The following DNM1L variants were observed in gnomAD, a reference collection of about 807,000 sequenced individuals.
DNM1L encodes dynamin 1L, also known as dynamin-1-like protein.
In DNM1L, 33 loss-of-function variants were observed where a neutral mutation model predicts 92.8. That is an observed-to-expected ratio of 0.36 (90% CI 0.27 to 0.48). DNM1L has a LOEUF of 0.48. Ranked by LOEUF, DNM1L falls within the 20% of genes least tolerant of loss-of-function variation. The probability of loss-of-function intolerance (pLI) is 0.99; values close to 1 mark genes in which losing one functional copy is unlikely to be tolerated. For synonymous variants in DNM1L, 284 were observed against 305.0 expected (o/e 0.93, Z 0.72); for missense variants, 485 against 888.8 (o/e 0.55, Z 5.78).
Position 32,701,553 on chromosome 12 carries a change from G to T in DNM1L, c.241G>T (p.Glu81Ter). The T allele has an allele frequency of 6.2e-7, 1 of 1,613,376 alleles. No homozygotes were observed. Among genetic ancestry groups the T allele is most frequent in the Non-Finnish European group, 8.5e-7 (1 of 1,179,454 alleles). ...SQEDKRKTTG[E>*]ENGVEAEEWG... ...AGAAGATAAACGGAAAACAACAGGAGAAGAAAATGGTAAATTTCAGATTTG... is the reference window on the plus strand; with the variant it reads ...AGAAGATAAACGGAAAACAACAGGATAAGAAAATGGTAAATTTCAGATTTG... Residue 81 changes from glutamate to a stop codon, truncating the protein, a stop_gained, in exon 2 of 20, where the codon GAA becomes TAA. Transcript: ENST00000549701. LOFTEE classifies it high-confidence loss of function.
chr12:32,701,071 T>G (rs1213962855), intron 1 of DNM1L, among the ~76,000 whole-genome samples: 1 of 152,128 alleles, frequency 6.6e-6, no homozygotes, highest in African/African-American at 2.4e-5. Context: ...GGTCGGGAGT[T>G]CGAGACCAGC....
chr12:32,736,999 A>C, intron 13 of DNM1L, 106 bp from the exon 14 acceptor site: 3 of 1,011,840 alleles, frequency 3.0e-6, no homozygotes, highest in Admixed American at 1.9e-5. Flanking sequence ...CAGTGAGAGG[A>C]TGTATCTGTA....
At chr12:32,696,207 G>A (rs747731930) in intron 1 of DNM1L, among the ~76,000 whole-genome samples, 38 of 152,082 alleles carry the variant, frequency 2.5e-4, no homozygotes, top group Non-Finnish European at 4.3e-4. Context: ...CAGACATACA[G>A]GCAGAAGTCA....
At chr12:32,686,937 CTTTTTTTT>C (rs71447614) in intron 1 of DNM1L, among the ~76,000 whole-genome samples, 4 of 95,606 alleles carry the variant, frequency 4.2e-5, no homozygotes, top group African/African-American at 8.5e-5. Context: ...TCTTTTTTTT[CTTTTTTTT>C]TTTTTTTTTT....
intron 1 of DNM1L, among the ~76,000 whole-genome samples, chr12:32,685,065 G>A (rs1161111026): frequency 6.6e-6 from 1 of 151,070 alleles, no homozygotes; most frequent in Admixed American, 6.6e-5. Flanking sequence ...TCAGCCTCCC[G>A]AGTAGCTGGG....
intron 1 of DNM1L, among the ~76,000 whole-genome samples, chr12:32,689,067 G>A (rs1199339087): frequency 1.3e-5 from 2 of 151,856 alleles, no homozygotes; most frequent in Non-Finnish European, 2.9e-5. Context: ...AGTGAGACCT[G>A]GTCTCTTAAG....
intron 1 of DNM1L, among the ~76,000 whole-genome samples, chr12:32,697,065 C>G (rs1952499075): frequency 6.6e-6 from 1 of 151,200 alleles, no homozygotes; most frequent in South Asian, 2.1e-4. Flanking sequence ...CCCGTCTCTA[C>G]TAAAAATACA....
At chr12:32,724,023 A>G (rs1387796741) in intron 9 of DNM1L, among the ~76,000 whole-genome samples, 3 of 151,626 alleles carry the variant, frequency 2.0e-5, no homozygotes, top group South Asian at 4.1e-4. Context: ...ACCTTCCTCT[A>G]ATGACAATCC....
intron 1 of DNM1L, among the ~76,000 whole-genome samples, chr12:32,697,912 A>C (rs77033050): frequency 0.02 from 3,083 of 152,298 alleles, 101 homozygotes; most frequent in African/African-American, 0.071. Flanking sequence ...AAATATTAGA[A>C]ATAAGAAAAA....
intron 1 of DNM1L, among the ~76,000 whole-genome samples, chr12:32,695,218 C>A (rs1046376446): frequency 1.3e-5 from 2 of 152,110 alleles, no homozygotes; most frequent in African/African-American, 2.4e-5. Flanking sequence ...GGCAGAGTAG[C>A]TATTCAGAGC....
chr12:32,699,376 T>G (rs1952605904), intron 1 of DNM1L, among the ~76,000 whole-genome samples: 1 of 152,156 alleles, frequency 6.6e-6, no homozygotes, highest in Non-Finnish European at 1.5e-5. Context: ...AGAACTTTAT[T>G]ATAAACTAAT....
At chr12:32,679,943 G>A (rs1453685366) in intron 1 of DNM1L, 1 of 985,582 alleles carries the variant, frequency 1.0e-6, no homozygotes, top group African/African-American at 1.7e-5. Context: ...CAGGGACTGC[G>A]GAGTTAGTTT....
In DNM1L at chr12:32,720,756, A is replaced by G. The variant is rs191913233; in HGVS notation, c.833A>G (p.Asn278Ser). 100 of 1,613,800 alleles carry G rather than the reference A, an allele frequency of 6.2e-5. No individual in the cohort carries two copies. The highest frequency in any genetic ancestry group is 7.9e-5 in the Non-Finnish European group (93 of 1,179,874). ...CAAAAGAAATATCCATCTCTGGCCA[A>G]TAGAAATGGAACAAAGTATCTTGCT... ...FLQKKYPSLA[N>S]RNGTKYLART... Residue 278 changes from asparagine (N) to serine (S), a missense_variant, in exon 8 of 20, where the codon AAT becomes AGT. Transcript: ENST00000549701.
intron 6 of DNM1L, among the ~76,000 whole-genome samples, chr12:32,717,323 CTATA>C (rs1285068199): frequency 4.8e-5 from 3 of 62,286 alleles, no homozygotes; most frequent in African/African-American, 1.5e-4. Context: ...TATATATACA[CTATA>C]TATTTTATAT....
chr12:32,703,325 T>C (rs1481662526), intron 2 of DNM1L, among the ~76,000 whole-genome samples: 1 of 152,088 alleles, frequency 6.6e-6, no homozygotes, highest in African/African-American at 2.4e-5. Context: ...AGTGCTGATT[T>C]TGTATATATA....
At chr12:32,741,866 TA>T (rs1437304676) in intron 18 of DNM1L, among the ~76,000 whole-genome samples, 2 of 152,218 alleles carry the variant, frequency 1.3e-5, no homozygotes, top group Non-Finnish European at 2.9e-5. Context: ...TTTGTGTAAG[TA>T]CACTCTGTGC....
chr12:32,710,805 A>T (rs1953097519), intron 4 of DNM1L, 124 bp from the exon 5 acceptor site: 2 of 846,080 alleles, frequency 2.4e-6, no homozygotes, highest in Non-Finnish European at 3.6e-6. Context: ...TTGATTGTTA[A>T]AAAAAAGTTT....
At position 32,701,526 on chromosome 12, in the gene DNM1L, C is replaced by A; in HGVS notation, c.214C>A (p.Gln72Lys). 4 of 1,613,742 alleles carry A rather than the reference C, an allele frequency of 2.5e-6. No homozygotes were observed. Among genetic ancestry groups the A allele is most frequent in the Non-Finnish European group, 3.4e-6 (4 of 1,179,848 alleles). The stretch of plus-strand genomic sequence containing the variant: ...CATTCTGCAACTGGTCCATGTTTCA[C>A]AAGAAGATAAACGGAAAACAACAGG... The part of the protein sequence containing the change: ...PLILQLVHVS[Q>K]EDKRKTTGEE... The change falls in exon 2 of 20, where the codon CAA becomes AAA. Residue 72 changes from glutamine (Q) to lysine (K), a missense_variant. Gln to Lys is a moderately conservative substitution (Grantham distance 53). Transcript: ENST00000549701.
At chr12:32,734,532 CGTG>C (rs1565537919) in intron 13 of DNM1L, among the ~76,000 whole-genome samples, 1 of 152,180 alleles carries the variant, frequency 6.6e-6, no homozygotes, top group African/African-American at 2.4e-5. Context: ...GGTGGCCAGA[CGTG>C]GTGGCTCATG....
Sources: gnomAD v4.1 joint callset for allele counts (sites outside exome capture counted in the v4.1 genomes callset) on GRCh38, gnomAD v4.1.1 for gene constraint, MANE v1.5 for transcripts, NCBI Gene and HGNC (gene_info 2026-07-23, HGNC 2026-07-21) for gene names.